FZD8: variants seen among roughly 807,000 people sequenced by gnomAD.
FZD8 encodes the protein frizzled-8.
Under a neutral mutation model 46.0 loss-of-function variants are expected in FZD8, and 18 were observed. The ratio of observed to expected loss-of-function variants is 0.39; its 90% confidence interval spans 0.27 to 0.58. FZD8 has a LOEUF of 0.58. FZD8 is among the 20% of genes least tolerant of loss of function. FZD8 has a pLI of 0.55. For synonymous variants in FZD8, 586 were observed against 467.9 expected (o/e 1.25, Z -3.26); for missense variants, 785 against 983.4 (o/e 0.80, Z 2.70).
In FZD8 at chr10:35,639,297, T is replaced by TCCTCGCC. The variant is rs1192542823; in HGVS notation, c.*47_*48insGGCGAGG. The TCCTCGCC allele has an allele frequency of 3.3e-6, 3 of 922,848 alleles. No homozygotes were observed. The highest frequency in any genetic ancestry group is 4.6e-6 in the Non-Finnish European group (3 of 651,440). The allele number at this position is 922,848 out of a possible 1,614,324, so 57.2% of individuals were successfully genotyped here. A position where few individuals can be genotyped will look rare whatever the true frequency, so the allele number is the denominator to read the frequency against. On this transcript the variant is annotated 3_prime_UTR_variant, in exon 1 of 1. Coordinates refer to ENST00000374694, the MANE Select transcript of FZD8 (RefSeq NM_031866.3). The stretch of plus-strand genomic sequence containing the variant: ...CAAGTGTCCCTTCGCTGCACTTGGC[T>TCCTCGCC]CTCCTCGCCCCCCTCCCCACCCCTC...
chr10:35,639,512 C>T lies in FZD8; in HGVS notation c.1918G>A (p.Gly640Ser). The T allele has an allele frequency of 1.8e-6, 2 of 1,082,808 alleles. No individual in the cohort carries two copies. Among genetic ancestry groups the T allele is most frequent in the African/African-American group, 1.7e-5 (1 of 59,318 alleles). The allele number at this position is 1,082,808 out of a possible 1,614,324, so 67.1% of individuals were successfully genotyped here. A position where few individuals can be genotyped will look rare whatever the true frequency, so the allele number is the denominator to read the frequency against. ...GGGAGATAAG[G>S]GGGPGGGGGG... ...CCGCCGCCCCCCGGCCCGCCGCCAC[C>T]CCCCGCGGCCGTGGCGCCCGCGCCC... The change falls in exon 1 of 1, where the codon GGT (glycine) becomes AGT (serine). Residue 640 changes from glycine to serine, a missense_variant. Physicochemically the swap from Gly to Ser is moderately conservative, Grantham distance 56. Around this residue, in one of 5 missense-constraint regions of FZD8, gnomAD observed 185 missense variants for 180.8 expected, o/e 1.02. Transcript: ENST00000374694.
In FZD8 at chr10:35,641,486, G is replaced by GC. The variant is rs71003903; in HGVS notation, c.-58_-57insG. Reference sequence around the variant, plus strand: ...CCAGGCGGCGCGCAGAGGGGTGCCGGGGGGGGGGCCCACGAGAGAGCCGCA... The same window carrying GC: ...CCAGGCGGCGCGCAGAGGGGTGCCGGCGGGGGGGGCCCACGAGAGAGCCGCA... On this transcript the variant is annotated 5_prime_UTR_variant, in exon 1 of 1. Coordinates refer to ENST00000374694, the MANE Select transcript of FZD8 (RefSeq NM_031866.3). The surrounding 1 kb of genome is among the most constrained non-coding windows in gnomAD (Gnocchi z 6.3). 0.2 allele frequency: 300,741 copies of GC among 1,509,060 alleles called. 30,641 individuals carry two copies. Among genetic ancestry groups the GC allele is most frequent in the East Asian group, 0.36 (15,412 of 42,546 alleles). 93.5% of individuals were successfully genotyped at this position (1,509,060 alleles called of 1,614,324 possible).
At position 35,639,861 on chromosome 10, in the gene FZD8, C is replaced by A. The variant is rs775298584; in HGVS notation, c.1569G>T (p.Thr523=). The A allele has an allele frequency of 1.2e-6, 2 of 1,610,210 alleles. No individual in the cohort carries two copies. The highest frequency in any genetic ancestry group is 2.7e-5 in the African/African-American group (2 of 74,784). The stretch of plus-strand genomic sequence containing the variant: ...GGATCATCAGCTTCTCCAGCTTGTG[C>A]GTCTTGGTGGGGCCGTCCTGTTGCT... ...VIKQQDGPTK[T]HKLEKLMIRL... The change falls in exon 1 of 1, where the codon ACG becomes ACT. Residue 523 remains threonine (T), a synonymous_variant. Coordinates refer to ENST00000374694, the MANE Select transcript of FZD8 (RefSeq NM_031866.3).
chr10:35,642,117 C>T lies in FZD8; in HGVS notation c.-688G>A, dbSNP rs1382777996. ...CCCCGCCGCCTGGAAAAGTCAGCGCCGCGCTCCGGCCGCAGTCGGGCGAGG... is the reference window on the plus strand; with the variant it reads ...CCCCGCCGCCTGGAAAAGTCAGCGCTGCGCTCCGGCCGCAGTCGGGCGAGG... On this transcript the variant is annotated 5_prime_UTR_variant, in exon 1 of 1. Coordinates refer to ENST00000374694, the MANE Select transcript of FZD8 (RefSeq NM_031866.3). 5 of 153,366 alleles carry T rather than the reference C, an allele frequency of 3.3e-5. No individual in the cohort carries two copies. In the East Asian group the frequency reaches 5.8e-4, roughly 18 times the overall value. 9.5% of individuals were successfully genotyped at this position (153,366 alleles called of 1,614,324 possible).
chr10:35,639,807 G>C lies in FZD8; in HGVS notation c.1623C>G (p.Thr541=), dbSNP rs1425116972. The change falls in exon 1 of 1, where the codon ACC becomes ACG. Residue 541 remains threonine, a synonymous_variant. Coordinates refer to ENST00000374694, the MANE Select transcript of FZD8 (RefSeq NM_031866.3). ...AGGCGACCACCACCGCGGCGGGCAC[G>C]GTGTAGAGCACGGTGAACAGGCCCA... ...IRLGLFTVLY[T]VPAAVVVACL... 4 of 1,603,370 alleles carry C rather than the reference G, an allele frequency of 2.5e-6. No homozygotes were observed. In the African/African-American group the frequency reaches 5.3e-5, roughly 21 times the overall value.
In FZD8 at chr10:35,641,552, G is replaced by C. The variant is rs1047152686; in HGVS notation, c.-123C>G. On this transcript the variant is annotated 5_prime_UTR_variant, in exon 1 of 1. Coordinates refer to ENST00000374694, the MANE Select transcript of FZD8 (RefSeq NM_031866.3). The surrounding 1 kb of genome is among the most constrained non-coding windows in gnomAD (Gnocchi z 6.3). ...TGATCTGGGGTCTCCCTTATGCTTC[G>C]CCCGGGAGGGGGGTCTGCCGATAAT... 7.8e-7 allele frequency: 1 copy of C among 1,282,542 alleles called. No individual in the cohort carries two copies. Among genetic ancestry groups the C allele is most frequent in the East Asian group, 2.5e-5 (1 of 39,372 alleles). 79.4% of individuals were successfully genotyped at this position (1,282,542 alleles called of 1,614,324 possible).
chr10:35,641,833 T>C lies in FZD8; in HGVS notation c.-404A>G. On this transcript the variant is annotated 5_prime_UTR_variant, in exon 1 of 1. Coordinates refer to ENST00000374694, the MANE Select transcript of FZD8 (RefSeq NM_031866.3). The surrounding 1 kb of genome is among the most constrained non-coding windows in gnomAD (Gnocchi z 6.3). ...TTCTCCCCGCCGCGCCGGGCGGCGG[T>C]GACTCCGCCGGACAGAGAGGGCGGA... 1 of 156,856 alleles carries C rather than the reference T, an allele frequency of 6.4e-6. No homozygotes were observed. Among genetic ancestry groups the C allele is most frequent in the Non-Finnish European group, 1.4e-5 (1 of 72,124 alleles). 9.7% of individuals were successfully genotyped at this position (156,856 alleles called of 1,614,324 possible). A position where few individuals can be genotyped will look rare whatever the true frequency, so the allele number is the denominator to read the frequency against.
In FZD8 at chr10:35,640,161, C is replaced by T. The variant is rs1835830338; in HGVS notation, c.1269G>A (p.Leu423=). 6.2e-7 allele frequency: 1 copy of T among 1,613,224 alleles called. No homozygotes were observed. The highest frequency in any genetic ancestry group is 1.7e-5 in the Admixed American group (1 of 59,988). Residue 423 remains leucine, a synonymous_variant, in exon 1 of 1, where the codon CTG becomes CTA. Coordinates refer to ENST00000374694, the MANE Select transcript of FZD8 (RefSeq NM_031866.3). The part of the protein sequence containing the change: ...WWVILSLTWF[L]AAGMKWGNEA... Reference sequence around the variant, plus strand: ...CGTTGCCCCACTTCATACCGGCCGCCAGGAACCATGTGAGCGACAAGATCA... The same window carrying T: ...CGTTGCCCCACTTCATACCGGCCGCTAGGAACCATGTGAGCGACAAGATCA...
chr10:35,640,476 G>A lies in FZD8; in HGVS notation c.954C>T (p.Ala318=), dbSNP rs759018649. The A allele has an allele frequency of 2.2e-5, 35 of 1,579,422 alleles. 1 individual carries two copies. In the Middle Eastern group the frequency reaches 3.0e-3, roughly 137 times the overall value. Residue 318 remains alanine (A), a synonymous_variant, in exon 1 of 1, where the codon GCC becomes GCT. Coordinates refer to ENST00000374694, the MANE Select transcript of FZD8 (RefSeq NM_031866.3). The part of the protein sequence containing the change: ...YPERPIIFLS[A]CYLFVSVGYL... ...AGCCCACCGACACGAAGAGGTAGCA[G>A]GCCGAGAGGAAGATAATGGGCCGCT...
Position 35,641,437 on chromosome 10 carries a change from G to A in FZD8, c.-8C>T. The A allele has an allele frequency of 6.3e-7, 1 of 1,590,954 alleles. No homozygotes were observed. The highest frequency in any genetic ancestry group is 8.5e-7 in the Non-Finnish European group (1 of 1,170,846). Reference sequence around the variant, plus strand: ...CAGGTAACCCCACTCCATGCTGTGCGCCTCGGCCCGGTGCCCTCGCCCTCC... The same window carrying A: ...CAGGTAACCCCACTCCATGCTGTGCACCTCGGCCCGGTGCCCTCGCCCTCC... On this transcript the variant is annotated 5_prime_UTR_variant, in exon 1 of 1. Transcript: ENST00000374694. The surrounding 1 kb of genome is among the most constrained non-coding windows in gnomAD (Gnocchi z 6.3).
rs750790956 is a variant in FZD8 at position 35,641,213 on chromosome 10, A to C, written c.217T>G (p.Trp73Gly). 6.2e-7 allele frequency: 1 copy of C among 1,614,044 alleles called. No homozygotes were observed. The highest frequency in any genetic ancestry group is 8.5e-7 in the Non-Finnish European group (1 of 1,179,936). Residue 73 changes from tryptophan to glycine, a missense_variant, in exon 1 of 1, where the codon TGG becomes GGG. Transcript: ENST00000374694. The surrounding 1 kb of genome is among the most constrained non-coding windows in gnomAD (Gnocchi z 6.3). ...GAGCACTGGATCTCCACCAGCGGCCAGAACTGGTGCACCTCCAGGCCCGCC... is the reference window on the plus strand; with the variant it reads ...GAGCACTGGATCTCCACCAGCGGCCCGAACTGGTGCACCTCCAGGCCCGCC... ...DEAGLEVHQF[W>G]PLVEIQCSPD...
At position 35,641,323 on chromosome 10, in the gene FZD8, T is replaced by C; in HGVS notation, c.107A>G (p.Gln36Arg). 6.2e-7 allele frequency: 1 copy of C among 1,613,930 alleles called. No individual in the cohort carries two copies. The highest frequency in any genetic ancestry group is 8.5e-7 in the Non-Finnish European group (1 of 1,179,906). Residue 36 changes from glutamine to arginine, a missense_variant, in exon 1 of 1, where the codon CAA (glutamine) becomes CGA (arginine). This residue lies in a region of FZD8 where 354 missense variants were observed against 433.2 expected (regional missense o/e 0.82). Transcript: ENST00000374694. This position sits in a 1 kb window ranked among gnomAD's most constrained non-coding sequence, Gnocchi z 6.3. ...CTTACACAGCGGCACGGTGATCTCT[T>C]GGCATGCCAGCTCCTTGGCCGAGGC... Reference protein sequence around the residue: ...AAASAKELACQEITVPLCKGI... With the variant: ...AAASAKELACREITVPLCKGI...
chr10:35,641,871 T>G lies in FZD8; in HGVS notation c.-442A>C. Reference sequence around the variant, plus strand: ...CAGAGAGGGCGGAGGCGCCGCAAGTTTCCTCTGGGGCCGCGGTGCGCAGTC... The same window carrying G: ...CAGAGAGGGCGGAGGCGCCGCAAGTGTCCTCTGGGGCCGCGGTGCGCAGTC... On this transcript the variant is annotated 5_prime_UTR_variant, in exon 1 of 1. Transcript: ENST00000374694. This position sits in a 1 kb window ranked among gnomAD's most constrained non-coding sequence, Gnocchi z 6.3. 6.6e-6 allele frequency: 1 copy of G among 152,530 alleles called. No individual in the cohort carries two copies. The highest frequency in any genetic ancestry group is 1.5e-5 in the Non-Finnish European group (1 of 68,586). 9.4% of individuals were successfully genotyped at this position (152,530 alleles called of 1,614,324 possible). A position where few individuals can be genotyped will look rare whatever the true frequency, so the allele number is the denominator to read the frequency against.
Position 35,640,536 on chromosome 10 carries a change from G to A in FZD8, c.894C>T (p.Thr298=). Residue 298 remains threonine, a synonymous_variant, in exon 1 of 1, where the codon ACC becomes ACT. Transcript: ENST00000374694. ...TGAAGCGCTCCATGTCGATAAGGAA[G>A]GTGGAGACGGTGGCGAAGGTGGACA... ...CFVSTFATVS[T]FLIDMERFKY... 1.3e-6 allele frequency: 2 copies of A among 1,589,276 alleles called. No homozygotes were observed. Among genetic ancestry groups the A allele is most frequent in the Non-Finnish European group, 8.6e-7 (1 of 1,165,840 alleles).
Position 35,641,387 on chromosome 10 carries a change from C to T in FZD8, c.43G>A (p.Ala15Thr), listed in dbSNP as rs1835858722. ...YLLEVTSLLAALALLQRSSGA... is the reference protein window; with the variant it reads ...YLLEVTSLLATLALLQRSSGA... ...CTAGAGCGCTGCAGCAGCGCCAAGG[C>T]GGCCAGCAGCGAGGTCACTTCCAAC... is the stretch of plus-strand genomic sequence containing the variant. Residue 15 changes from alanine to threonine, a missense_variant, in exon 1 of 1, where the codon GCC becomes ACC. Ala to Thr is a moderately conservative substitution (Grantham distance 58, BLOSUM62 0). Coordinates refer to ENST00000374694, the MANE Select transcript of FZD8 (RefSeq NM_031866.3). This position sits in a 1 kb window ranked among gnomAD's most constrained non-coding sequence, Gnocchi z 6.3. 6.2e-7 allele frequency: 1 copy of T among 1,612,336 alleles called. No homozygotes were observed. Among genetic ancestry groups the T allele is most frequent in the South Asian group, 1.1e-5 (1 of 91,008 alleles).
At position 35,640,931 on chromosome 10, in the gene FZD8, G is replaced by C; in HGVS notation, c.499C>G (p.Leu167Val). Residue 167 changes from leucine to valine, a missense_variant, in exon 1 of 1, where the codon CTG (leucine) becomes GTG (valine). By Grantham distance (32) the Leu-to-Val change is conservative (BLOSUM62 1). Coordinates refer to ENST00000374694, the MANE Select transcript of FZD8 (RefSeq NM_031866.3). ...TTAAPSPPRR[L>V]PPPPPGEQPP... is the part of the protein sequence containing the mutation. ...TGCTCGCCGGGCGGCGGCGGCGGCA[G>C]GCGGCGCGGCGGGCTGGGCGCGGCG... The C allele has an allele frequency of 7.8e-7, 1 of 1,288,316 alleles. No individual in the cohort carries two copies. The highest frequency in any genetic ancestry group is 9.8e-7 in the Non-Finnish European group (1 of 1,019,882). The allele number at this position is 1,288,316 out of a possible 1,614,324, so 79.8% of individuals were successfully genotyped here.
Position 35,642,263 on chromosome 10 carries a change from C to G in FZD8, c.-834G>C, listed in dbSNP as rs1282778504. On this transcript the variant is annotated 5_prime_UTR_variant, in exon 1 of 1. Transcript: ENST00000374694. The stretch of plus-strand genomic sequence containing the variant: ...CCTCCTCCTCGGCGGGAGCAGCGCC[C>G]TTAGCCCAACTTCCCGGCTCCAGCC... 6.6e-6 allele frequency: 1 copy of G among 152,660 alleles called. No individual in the cohort carries two copies. Among genetic ancestry groups the G allele is most frequent in the Non-Finnish European group, 1.5e-5 (1 of 68,514 alleles). 9.5% of individuals were successfully genotyped at this position (152,660 alleles called of 1,614,324 possible).
chr10:35,641,213 A>G lies in FZD8; in HGVS notation c.217T>C (p.Trp73Arg). ...DEAGLEVHQFWPLVEIQCSPD... is the reference protein window; with the variant it reads ...DEAGLEVHQFRPLVEIQCSPD... ...GAGCACTGGATCTCCACCAGCGGCC[A>G]GAACTGGTGCACCTCCAGGCCCGCC... The change falls in exon 1 of 1, where the codon TGG becomes CGG. Residue 73 changes from tryptophan to arginine, a missense_variant. Trp to Arg is a moderately radical substitution (Grantham distance 101). Coordinates refer to ENST00000374694, the MANE Select transcript of FZD8 (RefSeq NM_031866.3). The surrounding 1 kb of genome is among the most constrained non-coding windows in gnomAD (Gnocchi z 6.3). 6.2e-7 allele frequency: 1 copy of G among 1,614,044 alleles called. No individual in the cohort carries two copies. The highest frequency in any genetic ancestry group is 8.5e-7 in the Non-Finnish European group (1 of 1,179,936).
In FZD8 at chr10:35,639,325, G is replaced by A; in HGVS notation, c.*20C>T. ...CCTCGCCCCCCTCCCCACCCCTCCT[G>A]GGCGCCCCCTCCCCTCCGCTCAGAC... On this transcript the variant is annotated 3_prime_UTR_variant, in exon 1 of 1. Transcript: ENST00000374694. 1 of 854,106 alleles carries A rather than the reference G, an allele frequency of 1.2e-6. No individual in the cohort carries two copies. Among genetic ancestry groups the A allele is most frequent in the Non-Finnish European group, 1.6e-6 (1 of 630,984 alleles). The allele number at this position is 854,106 out of a possible 1,614,324, so 52.9% of individuals were successfully genotyped here. A position where few individuals can be genotyped will look rare whatever the true frequency, so the allele number is the denominator to read the frequency against.
Sources: allele counts gnomAD v4.1 joint callset, GRCh38; gene constraint gnomAD v4.1.1; regional missense constraint gnomAD v4.1.1; non-coding constraint Gnocchi (gnomAD v3.1); transcripts MANE v1.5; gene names NCBI Gene and HGNC (gene_info 2026-07-23, HGNC 2026-07-21).